The following CTNNA2 variants were observed in gnomAD, a reference collection of about 807,000 sequenced individuals.
CTNNA2 encodes catenin alpha 2.
In CTNNA2, 42 loss-of-function variants were observed where a neutral mutation model predicts 101.0. The observed-to-expected ratio is 0.42, with a 90% CI of 0.32 to 0.54. CTNNA2 has a LOEUF of 0.54. CTNNA2 is among the 20% of genes least tolerant of loss of function. CTNNA2 has a pLI of 0.14. For missense variants in CTNNA2, 871 were observed against 1,223.1 expected, an observed-to-expected ratio of 0.71 and a Z score of 4.29; for synonymous variants, 450 against 456.4, an observed-to-expected ratio of 0.99 and a Z score of 0.18.
chr2:79,562,595 T>C (rs1674848323), intron 1 of CTNNA2, among the ~76,000 whole-genome samples: 1 of 152,004 alleles, frequency 6.6e-6, no homozygotes, highest in Non-Finnish European at 1.5e-5. Context: ...AATAAAACAT[T>C]ACCCAGCATT....
intron 6 of CTNNA2, among the ~76,000 whole-genome samples, chr2:79,893,204 C>T (rs954525304): frequency 4.6e-5 from 7 of 152,058 alleles, no homozygotes; most frequent in East Asian, 1.9e-4. Context: ...TCTTTTCCAC[C>T]GTTTTGTCCT....
chr2:79,565,958 AC>A (rs1675086639), intron 1 of CTNNA2, among the ~76,000 whole-genome samples: 1 of 152,104 alleles, frequency 6.6e-6, no homozygotes, highest in Admixed American at 6.6e-5. Context: ...TCTTTAACAT[AC>A]ATAGAATAAG....
intron 18 of CTNNA2, among the ~76,000 whole-genome samples, chr2:80,627,668 T>C (rs1223066726): frequency 6.6e-6 from 1 of 152,176 alleles, no homozygotes; most frequent in Non-Finnish European, 1.5e-5. Flanking sequence ...GCATGTTCAC[T>C]CTGATGATAG....
At chr2:79,340,924 T>C (rs1677123439) in intron 3 of CTNNA2, among the ~76,000 whole-genome samples, 1 of 135,932 alleles carries the variant, frequency 7.4e-6, no homozygotes, top group East Asian at 2.2e-4. Context: ...TTCTTGATAG[T>C]AAAAAAGAAA....
chr2:79,839,564 C>T (rs1189421607), intron 3 of CTNNA2, among the ~76,000 whole-genome samples: 1 of 151,944 alleles, frequency 6.6e-6, no homozygotes, highest in African/African-American at 2.4e-5. Flanking sequence ...CTAGAAAATT[C>T]CTCTTTACCC....
chr2:80,544,251 A>G (rs1691840622), intron 9 of CTNNA2, among the ~76,000 whole-genome samples: 1 of 151,886 alleles, frequency 6.6e-6, no homozygotes, highest in Non-Finnish European at 1.5e-5. Context: ...CCAGGAACCA[A>G]GGAAGAGGGG....
intron 4 of CTNNA2, among the ~76,000 whole-genome samples, chr2:79,481,414 A>G (rs906242722): frequency 3.3e-5 from 5 of 152,162 alleles, no homozygotes; most frequent in Non-Finnish European, 7.3e-5. Context: ...TTTTGAAGTC[A>G]TGATCAGGTG....
chr2:80,081,149 T>A (rs1056964132), intron 7 of CTNNA2, among the ~76,000 whole-genome samples: 2 of 151,464 alleles, frequency 1.3e-5, no homozygotes. Flanking sequence ...TTAAAGAACT[T>A]CCCCTTAATA....
intron 7 of CTNNA2, chr2:80,299,070 A>G (rs1676012719): frequency 6.6e-6 from 1 of 152,146 alleles, no homozygotes; most frequent in Non-Finnish European, 1.5e-5. Flanking sequence ...CTGGGAAGGT[A>G]CTGCAAATGG....
chr2:79,442,781 A>G (rs1286895441), intron 4 of CTNNA2, among the ~76,000 whole-genome samples: 1 of 152,126 alleles, frequency 6.6e-6, no homozygotes, highest in Non-Finnish European at 1.5e-5. Flanking sequence ...CCTATTGATT[A>G]CTTTGTCTGT....
At chr2:79,393,440 A>G (rs969761223) in intron 4 of CTNNA2, among the ~76,000 whole-genome samples, 6 of 152,078 alleles carry the variant, frequency 3.9e-5, no homozygotes, top group Non-Finnish European at 7.4e-5. Flanking sequence ...TGTTTTGCCT[A>G]TGGCTTCTCT....
At chr2:80,469,526 G>A (rs1685121379) in intron 9 of CTNNA2, among the ~76,000 whole-genome samples, 2 of 152,236 alleles carry the variant, frequency 1.3e-5, no homozygotes, top group Non-Finnish European at 2.9e-5. Flanking sequence ...CTGGAGAGTA[G>A]ACACTAGTAG....
chr2:79,501,113 CTTG>C (rs934212730), intron 4 of CTNNA2, among the ~76,000 whole-genome samples: 7 of 151,888 alleles, frequency 4.6e-5, no homozygotes, highest in Non-Finnish European at 1.0e-4. Flanking sequence ...TTGTTTTTGT[CTTG>C]TTAATTCAGT....
intron 7 of CTNNA2, among the ~76,000 whole-genome samples, chr2:80,333,146 A>G (rs1671485566): frequency 6.6e-6 from 1 of 152,140 alleles, no homozygotes; most frequent in Admixed American, 6.5e-5. Flanking sequence ...TTACAGGAAA[A>G]GTTTTCGGAT....
chr2:80,028,442 C>T (rs1421823244), intron 7 of CTNNA2: 1 of 152,158 alleles, frequency 6.6e-6, no homozygotes, highest in African/African-American at 2.4e-5. Context: ...GCTTTTAGAG[C>T]ACTGAATTTT....
At chr2:79,394,123 G>GTATTT (rs1678203958) in intron 4 of CTNNA2, among the ~76,000 whole-genome samples, 1 of 152,046 alleles carries the variant, frequency 6.6e-6, no homozygotes, top group Non-Finnish European at 1.5e-5. Context: ...GGAGAAAGAG[G>GTATTT]CTTTTACGTG....
chr2:79,766,206 A>G (rs1041970204), intron 3 of CTNNA2, among the ~76,000 whole-genome samples: 2 of 152,102 alleles, frequency 1.3e-5, no homozygotes, highest in Non-Finnish European at 2.9e-5. Context: ...GTCTTGTAGG[A>G]CAGGTCTGGT....
chr2:80,554,726 A>T (rs7583030), intron 11 of CTNNA2, among the ~76,000 whole-genome samples: 68,172 of 151,996 alleles, frequency 0.45, 15,513 homozygotes, highest in South Asian at 0.59. Flanking sequence ...TATGAATTTT[A>T]AGGGAATAAA....
At chr2:80,271,697 C>T (rs1673504058) in intron 7 of CTNNA2, among the ~76,000 whole-genome samples, 1 of 152,170 alleles carries the variant, frequency 6.6e-6, no homozygotes, top group Non-Finnish European at 1.5e-5. Context: ...GCTGGGATTA[C>T]AGGTGTGAGC....
Sources: allele counts gnomAD v4.1 joint callset (sites outside exome capture counted in the v4.1 genomes callset), GRCh38; gene constraint gnomAD v4.1.1; transcripts MANE v1.5; gene names NCBI Gene and HGNC (gene_info 2026-07-23, HGNC 2026-07-21).